PHAX: variants seen among roughly 807,000 people sequenced by gnomAD.
The protein encoded by PHAX is phosphorylated adapter RNA export protein.
PHAX carries 31 observed loss-of-function variants against 41.6 expected under a neutral mutation model. That is an observed-to-expected ratio of 0.75 (90% CI 0.56 to 1.01). PHAX has a LOEUF of 1.01. Among genes scored for constraint, PHAX ranks in the 50% least tolerant of loss-of-function variants. The probability of loss-of-function intolerance (pLI) is 0.00; values close to 1 mark genes in which losing one functional copy is unlikely to be tolerated. For synonymous variants in PHAX, 175 were observed against 164.9 expected (o/e 1.06, Z -0.47); for missense variants, 453 against 472.9 (o/e 0.96, Z 0.39).
At chr5:126,617,866 A>G (rs1752212599) in intron 4 of PHAX, among the ~76,000 whole-genome samples, 1 of 151,758 alleles carries the variant, frequency 6.6e-6, no homozygotes, top group South Asian at 2.1e-4. Flanking sequence ...CTCCTGCCCC[A>G]GTCTCCCAAA....
rs760008218 is a variant in PHAX at position 126,603,636 on chromosome 5, T to A, written c.163T>A (p.Ser55Thr). The A allele has an allele frequency of 6.2e-6, 10 of 1,614,046 alleles. No homozygotes were observed. The highest frequency in any genetic ancestry group is 5.9e-6 in the Non-Finnish European group (7 of 1,179,884). ...CACGGCAACTGCATGTGCACCAGTA[T>A]CACATTATCGAGCTGTTGAAAGTGT... ...QNTATACAPV[S>T]HYRAVESVDS... Residue 55 changes from serine (S) to threonine (T), a missense_variant, in exon 2 of 5, where the codon TCA (serine) becomes ACA (threonine). By Grantham distance (58) the Ser-to-Thr change is moderately conservative (BLOSUM62 1). Coordinates refer to ENST00000297540, the MANE Select transcript of PHAX (RefSeq NM_032177.4).
intron 4 of PHAX, among the ~76,000 whole-genome samples, chr5:126,622,214 A>C (rs1167341575): frequency 1.3e-5 from 2 of 151,714 alleles, no homozygotes; most frequent in African/African-American, 4.8e-5. Flanking sequence ...GCTCACTGCA[A>C]CCTCTGCCTC....
intron 3 of PHAX, among the ~76,000 whole-genome samples, chr5:126,613,715 A>C (rs187492352): frequency 1.3e-5 from 2 of 152,010 alleles, no homozygotes; most frequent in Non-Finnish European, 2.9e-5. Context: ...AAAATGTTAC[A>C]GTGATTACCT....
At chr5:126,605,275 C>T (rs552838030) in intron 2 of PHAX, among the ~76,000 whole-genome samples, 1 of 152,210 alleles carries the variant, frequency 6.6e-6, no homozygotes, top group East Asian at 1.9e-4. Flanking sequence ...AATCCTCCTG[C>T]CTCAACTTCC....
rs1752326898 is a variant in PHAX at position 126,624,990 on chromosome 5, A to G, written c.*146A>G. ...TTTCTTGTTTAAAATATGTGTGGAA[A>G]GGAATGCAATTGATAGAACATTTAA... is the stretch of plus-strand genomic sequence containing the variant. On this transcript the variant is annotated 3_prime_UTR_variant, in exon 5 of 5. Coordinates refer to ENST00000297540, the MANE Select transcript of PHAX (RefSeq NM_032177.4). 1 of 699,330 alleles carries G rather than the reference A, an allele frequency of 1.4e-6. No individual in the cohort carries two copies. The highest frequency in any genetic ancestry group is 3.2e-5 in the Admixed American group (1 of 31,146). The allele number at this position is 699,330 out of a possible 1,614,324, so 43.3% of individuals were successfully genotyped here. A position where few individuals can be genotyped will look rare whatever the true frequency, so the allele number is the denominator to read the frequency against.
chr5:126,601,259 CCGAGGGG>C (rs961639450), intron 1 of PHAX, among the ~76,000 whole-genome samples: 1 of 151,992 alleles, frequency 6.6e-6, no homozygotes, highest in African/African-American at 2.4e-5. Flanking sequence ...GCTGCGGGGG[CCGAGGGG>C]CGAGGGGCGA....
intron 3 of PHAX, among the ~76,000 whole-genome samples, chr5:126,614,064 A>AT (rs1752147965): frequency 6.6e-6 from 1 of 151,300 alleles, no homozygotes; most frequent in African/African-American, 2.4e-5. Flanking sequence ...TACCCCGCCT[A>AT]TTTTTTCTTT....
rs762257311 is a variant in PHAX, at chr5:126,603,966, C to G, written c.493C>G (p.Gln165Glu). 6.2e-6 allele frequency: 10 copies of G among 1,613,776 alleles called. No individual in the cohort carries two copies. The highest frequency in any genetic ancestry group is 7.6e-6 in the Non-Finnish European group (9 of 1,180,004). ...TGCCAAGAAACTTAGGAAGGAATCT[C>G]AAGAGCATACAAAAGATCTAGACAA... ...LLAKKLRKES[Q>E]EHTKDLDKEL... Residue 165 changes from glutamine to glutamate, a missense_variant, in exon 2 of 5, where the codon CAA becomes GAA. Transcript: ENST00000297540.
intron 2 of PHAX, among the ~76,000 whole-genome samples, chr5:126,605,016 A>G (rs1751967565): frequency 1.3e-5 from 2 of 151,808 alleles, no homozygotes; most frequent in Admixed American, 6.6e-5. Context: ...CCTGGGTGAC[A>G]GAACTAGACT....
At chr5:126,602,038 C>G (rs1169328502) in intron 1 of PHAX, among the ~76,000 whole-genome samples, 2 of 152,098 alleles carry the variant, frequency 1.3e-5, no homozygotes, top group East Asian at 1.9e-4. Flanking sequence ...CTCGAACTCC[C>G]AACCTCAGGT....
chr5:126,626,204 A>G lies in PHAX; in HGVS notation c.*1360A>G, dbSNP rs1438069967. 6.6e-6 allele frequency: 1 copy of G among 151,946 alleles called. No individual in the cohort carries two copies. The highest frequency in any genetic ancestry group is 2.4e-5 in the African/African-American group (1 of 41,334). The allele number at this position is 151,946 out of a possible 1,614,324, so 9.4% of individuals were successfully genotyped here. On this transcript the variant is annotated 3_prime_UTR_variant, in exon 5 of 5. Transcript: ENST00000297540. ...AGACCAATCTAGGCAATGTAGTGAG[A>G]CCCTGTCTCTAATTTAAAAAAGAAA...
intron 3 of PHAX, among the ~76,000 whole-genome samples, chr5:126,612,512 A>T (rs957360863): frequency 2.0e-5 from 3 of 152,088 alleles, no homozygotes; most frequent in African/African-American, 7.2e-5. Flanking sequence ...CAGCCTGACT[A>T]ATGTGGAGAA....
At chr5:126,623,908 C>T (rs1581424112) in intron 4 of PHAX, among the ~76,000 whole-genome samples, 1 of 152,020 alleles carries the variant, frequency 6.6e-6, no homozygotes, top group African/African-American at 2.4e-5. Flanking sequence ...CTTTTTTAAA[C>T]CTTTGAACCG....
At chr5:126,617,217 T>C in intron 3 of PHAX, 33 bp from the exon 4 acceptor site, 1 of 1,355,722 alleles carries the variant, frequency 7.4e-7, no homozygotes, top group Non-Finnish European at 1.1e-6. Flanking sequence ...GGGAAGAGTA[T>C]ATGCAGTTTA....
At chr5:126,619,047 C>A (rs1374811359) in intron 4 of PHAX, among the ~76,000 whole-genome samples, 3 of 152,134 alleles carry the variant, frequency 2.0e-5, no homozygotes. Flanking sequence ...GACCCTCAGC[C>A]TCCCAAGTAG....
chr5:126,617,721 C>G (rs973347078), intron 4 of PHAX, among the ~76,000 whole-genome samples: 1 of 152,060 alleles, frequency 6.6e-6, no homozygotes, highest in Non-Finnish European at 1.5e-5. Context: ...TCAAGCAGTC[C>G]GCCCGTCTCG....
In PHAX at chr5:126,604,189, C is replaced by T; in HGVS notation, c.710+6C>T. On this transcript the variant is annotated splice_donor_region_variant and intron_variant, in intron 2 of 4. Coordinates refer to ENST00000297540, the MANE Select transcript of PHAX (RefSeq NM_032177.4). The stretch of plus-strand genomic sequence containing the variant: ...GCTGATGAAATTTCATTCAGGTGAG[C>T]ATTTGAATTACAAATAAGTACTTGA... The T allele has an allele frequency of 1.3e-6, 2 of 1,515,598 alleles. No individual in the cohort carries two copies. The highest frequency in any genetic ancestry group is 1.8e-6 in the Non-Finnish European group (2 of 1,134,562). 93.9% of individuals were successfully genotyped at this position (1,515,598 alleles called of 1,614,324 possible). A position where few individuals can be genotyped will look rare whatever the true frequency, so the allele number is the denominator to read the frequency against.
At chr5:126,604,279 T>TG in intron 2 of PHAX, 96 bp downstream of exon 2, 1 of 1,096,024 alleles carries the variant, frequency 9.1e-7, no homozygotes, top group Non-Finnish European at 1.2e-6. Context: ...TGTTCCTTTT[T>TG]TTTTTTTTTT....
At chr5:126,601,398 T>G (rs1372326628) in intron 1 of PHAX, among the ~76,000 whole-genome samples, 2 of 152,268 alleles carry the variant, frequency 1.3e-5, no homozygotes, top group East Asian at 1.9e-4. Context: ...ACGTCTCACC[T>G]CCGCCTACCG....
Sources: allele counts gnomAD v4.1 joint callset (sites outside exome capture counted in the v4.1 genomes callset), GRCh38; gene constraint gnomAD v4.1.1; transcripts MANE v1.5; gene names NCBI Gene and HGNC (gene_info 2026-07-23, HGNC 2026-07-21).